Variants in SLC28A2 observed in about 807,000 individuals in gnomAD.
The protein encoded by SLC28A2 is solute carrier family 28 member 2.
Under a neutral mutation model 72.9 loss-of-function variants are expected in SLC28A2, and 69 were observed. The observed-to-expected ratio is 0.95, with a 90% CI of 0.78 to 1.16. SLC28A2 has a LOEUF of 1.16. Ranked by LOEUF, SLC28A2 falls within the 50% of genes most tolerant of loss-of-function variation. The pLI is 0.00. For synonymous variants in SLC28A2, 296 were observed against 294.1 expected, an observed-to-expected ratio of 1.01 and a Z score of -0.07; for missense variants, 745 against 791.1, an observed-to-expected ratio of 0.94 and a Z score of 0.70.
At position 45,265,601 on chromosome 15, in the gene SLC28A2, T is replaced by A. The variant is rs749602509; in HGVS notation, c.799T>A (p.Phe267Ile). 9.3e-6 allele frequency: 15 copies of A among 1,612,974 alleles called. No homozygotes were observed. The highest frequency in any genetic ancestry group is 1.6e-4 in the Middle Eastern group (1 of 6,080). ...FAFQALPIIIFFGCVVSILYY... is the reference protein window; with the variant it reads ...FAFQALPIIIIFGCVVSILYY... ...ATTACAGGCCTTACCAATCATCATT[T>A]TCTTTGGATGTGTGGTGTCCATTCT... The change falls in exon 9 of 18, where the codon TTC becomes ATC. Residue 267 changes from phenylalanine (F) to isoleucine (I), a missense_variant. Physicochemically the swap from Phe to Ile is conservative, Grantham distance 21. Coordinates refer to ENST00000347644, the MANE Select transcript of SLC28A2 (RefSeq NM_004212.4).
At chr15:45,252,366 G>A (rs981278903) in intron 1 of SLC28A2, 88 bp downstream of exon 1, 7 of 451,678 alleles carry the variant, frequency 1.5e-5, no homozygotes, top group Non-Finnish European at 3.1e-5. Flanking sequence ...GTAGTTTTGT[G>A]CCTAGTCAGG....
intron 3 of SLC28A2, among the ~76,000 whole-genome samples, chr15:45,261,388 G>C (rs987590207): frequency 2.0e-5 from 3 of 152,208 alleles, no homozygotes; most frequent in African/African-American, 4.8e-5. Flanking sequence ...AATGCTAATA[G>C]TAACAGCTCC....
At position 45,268,214 on chromosome 15, in the gene SLC28A2, G is replaced by A; in HGVS notation, c.1204G>A (p.Glu402Lys). Residue 402 changes from glutamate to lysine, a missense_variant, in exon 13 of 18, where the codon GAG becomes AAG. Transcript: ENST00000347644. ...EEGVKLPRGKERNVLEAASNG... is the reference protein window; with the variant it reads ...EEGVKLPRGKKRNVLEAASNG... ...CCCTCTGCCCAATAACCACAGGAAG[G>A]AGAGGAATGTCCTGGAAGCTGCCAG... is the stretch of plus-strand genomic sequence containing the variant. 13 of 1,599,160 alleles carry A rather than the reference G, an allele frequency of 8.1e-6. No homozygotes were observed. The highest frequency in any genetic ancestry group is 1.1e-5 in the Non-Finnish European group (13 of 1,167,506).
chr15:45,267,667 T>C lies in SLC28A2; in HGVS notation c.1070T>C (p.Val357Ala), dbSNP rs1295984592. 6.2e-7 allele frequency: 1 copy of C among 1,614,096 alleles called. No homozygotes were observed. Among genetic ancestry groups the C allele is most frequent in the South Asian group, 1.1e-5 (1 of 91,074 alleles). ...ATGCCTAAGTCTGGCGCCTCACAGGTTGATGCATCATCCCTGATTTCTGCC... is the reference window on the plus strand; with the variant it reads ...ATGCCTAAGTCTGGCGCCTCACAGGCTGATGCATCATCCCTGATTTCTGCC... The part of the protein sequence containing the change: ...TVLGAFIAFG[V>A]DASSLISASV... The change falls in exon 12 of 18, where the codon GTT becomes GCT. Residue 357 changes from valine to alanine, a missense_variant and splice_region_variant. By Grantham distance (64) the Val-to-Ala change is moderately conservative. Coordinates refer to ENST00000347644, the MANE Select transcript of SLC28A2 (RefSeq NM_004212.4).
chr15:45,275,282 G>C, intron 17 of SLC28A2, 114 bp from the exon 18 acceptor site: 1 of 674,070 alleles, frequency 1.5e-6, no homozygotes. Context: ...TGGCTGATGG[G>C]TCAATTTACA....
intron 3 of SLC28A2, among the ~76,000 whole-genome samples, chr15:45,258,718 A>G (rs1049574257): frequency 6.6e-6 from 1 of 152,214 alleles, no homozygotes; most frequent in Non-Finnish European, 1.5e-5. Flanking sequence ...CATTGTAAGA[A>G]TCTACCACAG....
At chr15:45,253,092 G>C (rs1330761936) in intron 1 of SLC28A2, 108 bp from the exon 2 acceptor site, 1 of 629,006 alleles carries the variant, frequency 1.6e-6, no homozygotes, top group Non-Finnish European at 2.9e-6. Context: ...AGCCTTCAAA[G>C]ACTTTTAGTT....
intron 8 of SLC28A2, 79 bp from the exon 9 acceptor site, chr15:45,265,504 G>A: frequency 1.0e-6 from 1 of 977,980 alleles, no homozygotes; most frequent in East Asian, 2.4e-5. Flanking sequence ...CCCTTGGAAT[G>A]CTAAGAGCTT....
At chr15:45,265,210 T>A (rs1364520800) in intron 8 of SLC28A2, 44 bp downstream of exon 8, 1 of 1,263,668 alleles carries the variant, frequency 7.9e-7, no homozygotes, top group South Asian at 1.2e-5. Flanking sequence ...TATGGAGGGG[T>A]AGAGGAATAA....
chr15:45,267,877 T>C lies in SLC28A2; in HGVS notation c.1199+81T>C, dbSNP rs531219297. On this transcript the variant is annotated intron_variant, in intron 12 of 17. Coordinates refer to ENST00000347644, the MANE Select transcript of SLC28A2 (RefSeq NM_004212.4). ...ACTGTGGTGGCAGAGACTTCAAGTC[T>C]CCCTGAGGGGGAATAATGTGATTCC... The C allele has an allele frequency of 7.0e-5, 104 of 1,483,760 alleles. No individual in the cohort carries two copies. The East Asian group carries it at 2.4e-3, about 34-fold the overall frequency. 91.9% of individuals were successfully genotyped at this position (1,483,760 alleles called of 1,614,324 possible).
intron 3 of SLC28A2, among the ~76,000 whole-genome samples, chr15:45,255,569 G>C (rs1899951292): frequency 6.6e-6 from 1 of 152,116 alleles, no homozygotes; most frequent in Non-Finnish European, 1.5e-5. Flanking sequence ...CTAATCTTTA[G>C]TCTAGATGAA....
At position 45,277,511 on chromosome 15, in the gene SLC28A2, A is replaced by G; in HGVS notation, c.*1998A>G. On this transcript the variant is annotated 3_prime_UTR_variant, in exon 18 of 18. Transcript: ENST00000347644. ...CCATTAAAAAAAGAAGTACTGATTT[A>G]TGCTATGTAGAGGCACCCCGAAAAC... is the stretch of plus-strand genomic sequence containing the variant. The G allele has an allele frequency of 6.6e-6, 1 of 151,470 alleles. No individual in the cohort carries two copies. The highest frequency in any genetic ancestry group is 2.1e-4 in the South Asian group (1 of 4,822). The allele number at this position is 151,470 out of a possible 1,614,324, so 9.4% of individuals were successfully genotyped here.
intron 3 of SLC28A2, chr15:45,255,935 C>CT (rs1243762156): frequency 6.6e-6 from 1 of 152,306 alleles, no homozygotes; most frequent in Non-Finnish European, 1.5e-5. Flanking sequence ...CCCTGCACCA[C>CT]TGACTCTAGC....
At chr15:45,254,406 C>T (rs561514720) in intron 3 of SLC28A2, among the ~76,000 whole-genome samples, 1 of 152,240 alleles carries the variant, frequency 6.6e-6, no homozygotes, top group African/African-American at 2.4e-5. Flanking sequence ...TTTACTGTGC[C>T]TTTTCTATGT....
chr15:45,263,544 C>T (rs1900229441), intron 5 of SLC28A2, among the ~76,000 whole-genome samples: 1 of 152,178 alleles, frequency 6.6e-6, no homozygotes, highest in South Asian at 2.1e-4. Context: ...GTGAAGTAAT[C>T]AGAACAGAGC....
intron 17 of SLC28A2, among the ~76,000 whole-genome samples, chr15:45,273,184 G>C (rs1164645480): frequency 1.3e-5 from 2 of 152,066 alleles, no homozygotes; most frequent in African/African-American, 4.8e-5. Flanking sequence ...TTAAAAAAAA[G>C]AAATTACTTA....
chr15:45,268,326 C>T lies in SLC28A2; in HGVS notation c.1316C>T (p.Ala439Val), dbSNP rs773650634. The T allele has an allele frequency of 6.2e-7, 1 of 1,609,594 alleles. No individual in the cohort carries two copies. The change falls in exon 13 of 18, where the codon GCT (alanine) becomes GTT (valine). Residue 439 changes from alanine (A) to valine (V), a missense_variant. Ala to Val is a moderately conservative substitution (Grantham distance 64). Coordinates refer to ENST00000347644, the MANE Select transcript of SLC28A2 (RefSeq NM_004212.4). Reference sequence around the variant, plus strand: ...TTGGCTGTGTTGGCCTTCATCAATGCTGCCCTCTCCTGGCTGGGGGAATTG... The same window carrying T: ...TTGGCTGTGTTGGCCTTCATCAATGTTGCCCTCTCCTGGCTGGGGGAATTG... ...AFLAVLAFIN[A>V]ALSWLGELVD... is the part of the protein sequence containing the mutation.
chr15:45,258,724 C>G (rs1387059612), intron 3 of SLC28A2, among the ~76,000 whole-genome samples: 2 of 152,030 alleles, frequency 1.3e-5, no homozygotes, highest in Admixed American at 6.6e-5. Context: ...AAGAATCTAC[C>G]ACAGTTTATC....
intron 10 of SLC28A2, among the ~76,000 whole-genome samples, chr15:45,267,043 T>C (rs1900360331): frequency 2.0e-5 from 3 of 152,220 alleles, no homozygotes; most frequent in Admixed American, 1.3e-4. Context: ...GGATCATCTA[T>C]TTGTATTTCA....
Sources: allele counts gnomAD v4.1 joint callset (sites outside exome capture counted in the v4.1 genomes callset), GRCh38; gene constraint gnomAD v4.1.1; transcripts MANE v1.5; gene names NCBI Gene and HGNC (gene_info 2026-07-23, HGNC 2026-07-21).